LNPK: variants seen among roughly 807,000 people sequenced by gnomAD.
The protein encoded by LNPK is endoplasmic reticulum junction formation protein lunapark.
In LNPK, 29 loss-of-function variants were observed where a neutral mutation model predicts 55.2. The ratio of observed to expected loss-of-function variants is 0.53; its 90% CI spans 0.39 to 0.72. The LOEUF (loss-of-function observed/expected upper bound fraction) is 0.72, where lower values mean the gene tolerates loss of function less well. LNPK is among the 30% of genes least tolerant of loss of function. LNPK has a pLI of 0.00. For synonymous variants in LNPK, 162 were observed against 168.2 expected (o/e 0.96, Z 0.29); for missense variants, 467 against 494.8 (o/e 0.94, Z 0.53).
chr2:175,987,568 A>T (rs961433872), intron 4 of LNPK, among the ~76,000 whole-genome samples: 9 of 152,146 alleles, frequency 5.9e-5, no homozygotes, highest in African/African-American at 2.2e-4. Flanking sequence ...GATATACCTA[A>T]TGTTAAATGA....
chr2:175,941,014 G>A (rs369330278), intron 9 of LNPK: 49 of 453,420 alleles, frequency 1.1e-4, no homozygotes, highest in African/African-American at 3.6e-4. Flanking sequence ...TTGAGAGGTC[G>A]AGGTAGACAG....
intron 8 of LNPK, among the ~76,000 whole-genome samples, chr2:175,959,562 C>T (rs1033900540): frequency 2.6e-5 from 4 of 152,096 alleles, no homozygotes; most frequent in African/African-American, 9.7e-5. Flanking sequence ...CTGAAGGAAG[C>T]ACTAAACATG....
chr2:175,994,108 CAT>C (rs1250239563), intron 2 of LNPK: 1 of 869,846 alleles, frequency 1.1e-6, no homozygotes, highest in Non-Finnish European at 1.4e-6. Flanking sequence ...CAAAATCACT[CAT>C]AAAACACTTG....
At chr2:175,947,865 G>A (rs1020549251) in intron 8 of LNPK, among the ~76,000 whole-genome samples, 173 bp from the exon 9 acceptor site, 4 of 152,048 alleles carry the variant, frequency 2.6e-5, no homozygotes, top group African/African-American at 4.8e-5. Context: ...CTCTATTTCT[G>A]AACTTACAGT....
At chr2:175,975,010 ATT>A (rs56951449) in intron 5 of LNPK, among the ~76,000 whole-genome samples, 2,248 of 141,556 alleles carry the variant, frequency 0.016, 43 homozygotes, top group African/African-American at 0.044. Flanking sequence ...AAGGTTTCTT[ATT>A]TTTTTTTTTT....
intron 9 of LNPK, among the ~76,000 whole-genome samples, chr2:175,943,214 TAA>T (rs5836521): frequency 8.7e-5 from 12 of 138,058 alleles, no homozygotes; most frequent in Admixed American, 1.5e-4. Flanking sequence ...AATTTTTAGT[TAA>T]AAAAAAAAAA....
At chr2:175,991,832 C>T (rs183081342) in intron 4 of LNPK, among the ~76,000 whole-genome samples, 4 of 152,228 alleles carry the variant, frequency 2.6e-5, no homozygotes, top group Non-Finnish European at 5.9e-5. Context: ...GACCATATAG[C>T]AGTAAAACGA....
At chr2:175,994,351 G>T (rs1179244479) in intron 2 of LNPK, 1 of 982,780 alleles carries the variant, frequency 1.0e-6, no homozygotes, top group Non-Finnish European at 1.2e-6. Flanking sequence ...TCATAACAGG[G>T]TCAATATAAT....
chr2:175,987,664 AAAGTAT>A lies in LNPK; in HGVS notation c.257+4561_257+4566del, dbSNP rs568344266. ...ATTGTGCACATGTACCCTAAAACTT[AAAGTAT>A]AATTAAAAAAAAAAAAATCACTACA... On this transcript the variant is annotated intron_variant, in intron 4 of 12. Transcript: ENST00000272748. Among the ~76,000 whole-genome samples the A allele has an allele frequency of 3.1e-4, 27 of 87,514 alleles. No homozygotes were observed. In the South Asian group the frequency reaches 8.6e-3, roughly 28 times the overall value. 57.4% of individuals were successfully genotyped at this position (87,514 alleles called of 152,430 possible).
At chr2:175,984,820 TAACA>T (rs1250127595) in intron 4 of LNPK, among the ~76,000 whole-genome samples, 1 of 152,210 alleles carries the variant, frequency 6.6e-6, no homozygotes, top group Non-Finnish European at 1.5e-5. Flanking sequence ...CTTATAAAAC[TAACA>T]TGTACTTACC....
At chr2:176,001,646 A>G (rs545823729) in intron 1 of LNPK, among the ~76,000 whole-genome samples, 1 of 152,252 alleles carries the variant, frequency 6.6e-6, no homozygotes, top group Non-Finnish European at 1.5e-5. Flanking sequence ...GCCCGGCAGC[A>G]TGACACTGAC....
intron 8 of LNPK, among the ~76,000 whole-genome samples, chr2:175,951,607 A>ATATATATATATATATATATATATCTATC (rs972901665): frequency 2.5e-5 from 3 of 121,720 alleles, no homozygotes; most frequent in African/African-American, 5.7e-5. Context: ...ATATATATAT[A>ATATATATATATATATATATATATCTATC]TATCTCAGTT....
intron 1 of LNPK, among the ~76,000 whole-genome samples, chr2:175,999,107 A>G (rs1358510049): frequency 6.6e-6 from 1 of 152,244 alleles, no homozygotes; most frequent in Non-Finnish European, 1.5e-5. Context: ...GCACAGTTTC[A>G]GCAATTTTTC....
In LNPK at chr2:175,979,831, A is replaced by G; in HGVS notation, c.295T>C (p.Ser99Pro). Reference protein sequence around the residue: ...SIRTVIIFFFSKRTERNNEAL... With the variant: ...SIRTVIIFFFPKRTERNNEAL... The stretch of plus-strand genomic sequence containing the variant: ...TTACTATTTCTTTCTGTTCTCTTGG[A>G]AAAGAAGAAAATAATTACTGTTCTT... Residue 99 changes from serine to proline, a missense_variant, in exon 5 of 13, where the codon TCC becomes CCC. By Grantham distance (74) the Ser-to-Pro change is moderately conservative (BLOSUM62 -1). Transcript: ENST00000272748. 1 of 1,581,132 alleles carries G rather than the reference A, an allele frequency of 6.3e-7. No individual in the cohort carries two copies. Among genetic ancestry groups the G allele is most frequent in the Non-Finnish European group, 8.6e-7 (1 of 1,165,798 alleles).
At chr2:176,002,271 C>G (rs1223227195), upstream of LNPK, 2 of 448,336 alleles carry the variant, frequency 4.5e-6, no homozygotes, top group South Asian at 1.6e-5. Context: ...GAGAGACAAG[C>G]CGGGCCAACT....
intron 8 of LNPK, among the ~76,000 whole-genome samples, chr2:175,959,491 C>T (rs1321764173): frequency 6.6e-6 from 1 of 152,150 alleles, no homozygotes; most frequent in Non-Finnish European, 1.5e-5. Flanking sequence ...AAATAATATC[C>T]TTTACAGACA....
intron 5 of LNPK, among the ~76,000 whole-genome samples, chr2:175,978,950 G>A (rs982710744): frequency 2.0e-5 from 3 of 152,068 alleles, no homozygotes; most frequent in African/African-American, 7.2e-5. Flanking sequence ...GGTTGTGAGT[G>A]AGGAGGGCAA....
chr2:175,994,675 A>G (rs765333923), intron 2 of LNPK, among the ~76,000 whole-genome samples: 2 of 152,052 alleles, frequency 1.3e-5, no homozygotes, highest in Non-Finnish European at 2.9e-5. Flanking sequence ...GCCCACCACC[A>G]TGCCCAGCTA....
At chr2:175,993,272 C>A (rs750436740) in intron 2 of LNPK, 49 bp from the exon 3 acceptor site, 19 of 1,167,858 alleles carry the variant, frequency 1.6e-5, no homozygotes, top group African/African-American at 3.2e-5. Flanking sequence ...TATCACAAAC[C>A]TTTACATTTT....
Sources: gnomAD v4.1 joint callset for allele counts (sites outside exome capture counted in the v4.1 genomes callset) on GRCh38, gnomAD v4.1.1 for gene constraint, MANE v1.5 for transcripts, NCBI Gene and HGNC (gene_info 2026-07-23, HGNC 2026-07-21) for gene names.